EFCAB13: variants seen among roughly 807,000 people sequenced by gnomAD.
EFCAB13 encodes the protein EF-hand calcium binding domain 13.
EFCAB13 carries 91 observed loss-of-function variants against 110.2 expected under a neutral mutation model. The ratio of observed to expected loss-of-function variants is 0.83; its 90% CI spans 0.70 to 0.98. The LOEUF is 0.98. EFCAB13 is among the 50% of genes least tolerant of loss of function. The pLI is 0.00. For missense variants in EFCAB13, 968 were observed against 1,119.4 expected (o/e 0.86, Z 1.93); for synonymous variants, 323 against 369.9 (o/e 0.87, Z 1.45).
At chr17:47,389,411 A>C (rs1370105811) in intron 14 of EFCAB13, among the ~76,000 whole-genome samples, 1 of 152,150 alleles carries the variant, frequency 6.6e-6, no homozygotes, top group Non-Finnish European at 1.5e-5. Context: ...ATGACAAACT[A>C]AACAAGATTC....
chr17:47,357,365 T>A (rs2065486806), intron 9 of EFCAB13, among the ~76,000 whole-genome samples: 1 of 152,230 alleles, frequency 6.6e-6, no homozygotes, highest in South Asian at 2.1e-4. Flanking sequence ...TTTACTTTCC[T>A]GTATTTCTTG....
intron 2 of EFCAB13, among the ~76,000 whole-genome samples, 165 bp downstream of exon 2, chr17:47,324,688 G>A (rs2065270518): frequency 6.6e-6 from 1 of 152,090 alleles, no homozygotes; most frequent in African/African-American, 2.4e-5. Context: ...CGGCTTGTGA[G>A]GGAAATGTGG....
At chr17:47,402,493 C>A (rs2065784395) in intron 18 of EFCAB13, among the ~76,000 whole-genome samples, 1 of 151,964 alleles carries the variant, frequency 6.6e-6, no homozygotes. Context: ...AAGTTCTATG[C>A]CTTCTTTCAG....
intron 4 of EFCAB13, among the ~76,000 whole-genome samples, chr17:47,332,048 T>C (rs2065322551): frequency 6.6e-6 from 1 of 152,154 alleles, no homozygotes; most frequent in Non-Finnish European, 1.5e-5. Flanking sequence ...GGTTTTTATG[T>C]GGAAATAAAG....
intron 10 of EFCAB13, among the ~76,000 whole-genome samples, chr17:47,367,718 G>A (rs1214127358): frequency 1.3e-5 from 2 of 152,136 alleles, no homozygotes; most frequent in South Asian, 2.1e-4. Flanking sequence ...CCAGGCCATC[G>A]ACTTTCAGGA....
chr17:47,400,230 GC>G (rs1158514025), intron 17 of EFCAB13, among the ~76,000 whole-genome samples: 4 of 152,142 alleles, frequency 2.6e-5, no homozygotes, highest in African/African-American at 9.7e-5. Flanking sequence ...ATCCATTGAA[GC>G]CAGATCTGAA....
intron 24 of EFCAB13, among the ~76,000 whole-genome samples, chr17:47,439,845 T>C (rs558938938): frequency 6.6e-6 from 1 of 152,250 alleles, no homozygotes; most frequent in African/African-American, 2.4e-5. Flanking sequence ...TTGTAATATC[T>C]GAGATTTTTT....
intron 20 of EFCAB13, among the ~76,000 whole-genome samples, chr17:47,406,768 T>A (rs1374837670): frequency 6.6e-6 from 1 of 152,158 alleles, no homozygotes; most frequent in Non-Finnish European, 1.5e-5. Flanking sequence ...TTCCTCCCAT[T>A]AATAGCCTTC....
intron 24 of EFCAB13, among the ~76,000 whole-genome samples, chr17:47,433,763 T>C (rs958603429): frequency 1.1e-4 from 16 of 152,296 alleles, no homozygotes; most frequent in African/African-American, 3.8e-4. Flanking sequence ...TTAAACCATG[T>C]GGTTAACTTA....
At chr17:47,347,772 G>T (rs1212578244) in intron 8 of EFCAB13, 36 bp from the exon 9 acceptor site, 4 of 1,344,216 alleles carry the variant, frequency 3.0e-6, no homozygotes, top group East Asian at 2.7e-5. Flanking sequence ...TATTCTTTTT[G>T]ATTAACTAAC....
chr17:47,416,903 C>T (rs1904470591), intron 23 of EFCAB13, among the ~76,000 whole-genome samples: 1 of 152,080 alleles, frequency 6.6e-6, no homozygotes, highest in South Asian at 2.1e-4. Context: ...TTCCAAAAGT[C>T]CAAGGGTAAG....
intron 12 of EFCAB13, among the ~76,000 whole-genome samples, chr17:47,376,549 C>T (rs1253202378): frequency 6.6e-6 from 1 of 151,346 alleles, no homozygotes; most frequent in East Asian, 1.9e-4. Context: ...TGGAATATGA[C>T]TGCCTGTATG....
chr17:47,403,833 T>A, intron 18 of EFCAB13, 45 bp from the exon 19 acceptor site: 1 of 1,534,000 alleles, frequency 6.5e-7, no homozygotes. Context: ...ATGTCTTGAG[T>A]GATGGCTACT....
rs1598723958 is a variant in EFCAB13, at chr17:47,343,809, T to C, written c.304-353T>C. ...GTTGATTCTCCACATTGCACTTAAG[T>C]CAAAGCCTTTATATGTAGCCTAGAG... On this transcript the variant is annotated intron_variant, in intron 6 of 24. Transcript: ENST00000331493. Among the ~76,000 whole-genome samples, 4 of 152,246 alleles carry C rather than the reference T, an allele frequency of 2.6e-5. No individual in the cohort carries two copies. In the South Asian group the frequency reaches 8.3e-4, roughly 32 times the overall value.
At chr17:47,415,186 A>C (rs1030803409) in intron 23 of EFCAB13, among the ~76,000 whole-genome samples, 1 of 151,850 alleles carries the variant, frequency 6.6e-6, no homozygotes, top group South Asian at 2.1e-4. Context: ...GAATTGAACA[A>C]TGAGAACACA....
In EFCAB13 at chr17:47,440,377, T is replaced by G. The variant is rs1480699558; in HGVS notation, c.2639-54T>G. On this transcript the variant is annotated intron_variant, in intron 24 of 24. Transcript: ENST00000331493. Reference sequence around the variant, plus strand: ...TGACTATTAGCTTCAGCTATATTATTTAATTCTGAAACAATAATTCTTTCT... The same window carrying G: ...TGACTATTAGCTTCAGCTATATTATGTAATTCTGAAACAATAATTCTTTCT... The G allele has an allele frequency of 4.8e-6, 7 of 1,469,788 alleles. 1 individual carries two copies. The highest frequency in any genetic ancestry group is 3.6e-6 in the Non-Finnish European group (4 of 1,106,672). The allele number at this position is 1,469,788 out of a possible 1,614,324, so 91.0% of individuals were successfully genotyped here.
Position 47,374,635 on chromosome 17 carries a change from C to A in EFCAB13, c.1041C>A (p.Ser347Arg). The A allele has an allele frequency of 6.2e-7, 1 of 1,605,408 alleles. No individual in the cohort carries two copies. The highest frequency in any genetic ancestry group is 8.5e-7 in the Non-Finnish European group (1 of 1,177,834). ...ATAAAAAAAGCAACCAATATTATAG[C>A]AAAATTATGGAGAATGATGACCTTG... The part of the protein sequence containing the change: ...KLNKKSNQYY[S>R]KIMENDDLES... The change falls in exon 12 of 25, where the codon AGC becomes AGA. Residue 347 changes from serine to arginine, a missense_variant. Ser to Arg is a moderately radical substitution (Grantham distance 110, BLOSUM62 -1). Transcript: ENST00000331493.
intron 10 of EFCAB13, among the ~76,000 whole-genome samples, chr17:47,363,361 C>G (rs149892691): frequency 6.0e-4 from 92 of 152,226 alleles, no homozygotes; most frequent in African/African-American, 2.0e-3. Context: ...GCCACTGGGC[C>G]CAGCCTGATT....
In EFCAB13 at chr17:47,398,327, C is replaced by T. The variant is rs1158090934; in HGVS notation, c.1945+2350C>T. Among the ~76,000 whole-genome samples the T allele has an allele frequency of 4.0e-5, 6 of 150,554 alleles. No homozygotes were observed. In the East Asian group the frequency reaches 1.3e-3, roughly 32 times the overall value. On this transcript the variant is annotated intron_variant, in intron 17 of 24. Coordinates refer to ENST00000331493, the MANE Select transcript of EFCAB13 (RefSeq NM_152347.5). ...CCGCCCCTACTGGGAAGTGAGGAGCCCCTCTGCCCGGCCACCACCCCGTCT... is the reference window on the plus strand; with the variant it reads ...CCGCCCCTACTGGGAAGTGAGGAGCTCCTCTGCCCGGCCACCACCCCGTCT...
Sources: allele counts gnomAD v4.1 joint callset (sites outside exome capture counted in the v4.1 genomes callset), GRCh38; gene constraint gnomAD v4.1.1; transcripts MANE v1.5; gene names NCBI Gene and HGNC (gene_info 2026-07-23, HGNC 2026-07-21).